Variants in SHISA9 observed in about 807,000 individuals in gnomAD.
SHISA9 encodes the protein shisa family member 9.
In SHISA9, 13 loss-of-function variants were observed where a neutral mutation model predicts 38.0. The ratio of observed to expected loss-of-function variants is 0.34; its 90% CI spans 0.22 to 0.54. SHISA9 has a LOEUF of 0.54. Ranked by LOEUF, SHISA9 falls within the 20% of genes least tolerant of loss-of-function variation. The pLI, the probability that SHISA9 is intolerant of heterozygous loss-of-function variation, is 0.91. For synonymous variants in SHISA9, 275 were observed against 242.0 expected, an observed-to-expected ratio of 1.14 and a Z score of -1.27; for missense variants, 538 against 575.8, an observed-to-expected ratio of 0.93 and a Z score of 0.67.
At chr16:13,159,072 AC>A (rs1423142982) in intron 2 of SHISA9, among the ~76,000 whole-genome samples, 12 of 147,654 alleles carry the variant, frequency 8.1e-5, no homozygotes, top group African/African-American at 2.5e-4. Flanking sequence ...AAAAAAAAAA[AC>A]AAAACCAAAA....
chr16:12,953,178 T>TAA (rs55985822), intron 2 of SHISA9, among the ~76,000 whole-genome samples: 52 of 131,408 alleles, frequency 4.0e-4, no homozygotes, highest in East Asian at 1.1e-3. Flanking sequence ...TAAAAAAAAG[T>TAA]AAAAAAAAAA....
At chr16:13,225,638 G>T (rs1441887257) in intron 4 of SHISA9, among the ~76,000 whole-genome samples, 1 of 152,168 alleles carries the variant, frequency 6.6e-6, no homozygotes, top group Non-Finnish European at 1.5e-5. Flanking sequence ...TGAGTGGTAG[G>T]AACCCCTCCC....
chr16:13,003,895 G>T (rs544663911), intron 2 of SHISA9, among the ~76,000 whole-genome samples: 26,082 of 148,208 alleles, frequency 0.18, 2,457 homozygotes, highest in Middle Eastern at 0.23. Flanking sequence ...ATAATAAGAA[G>T]AAGAAGAAGA....
the SHISA9 span, among the ~76,000 whole-genome samples, chr16:13,408,601 T>G: frequency 6.6e-6 from 1 of 152,230 alleles, no homozygotes; most frequent in African/African-American, 2.4e-5. Context: ...TAATGCTGTA[T>G]AAATTTTTAT....
At chr16:13,246,954 TG>T in the SHISA9 span, among the ~76,000 whole-genome samples, 9 of 150,804 alleles carry the variant, frequency 6.0e-5, no homozygotes, top group Non-Finnish European at 1.3e-4. Flanking sequence ...CTGGATAATT[TG>T]TTATGAAAGA....
chr16:13,104,774 T>A (rs113148695), intron 2 of SHISA9, among the ~76,000 whole-genome samples: 2 of 152,128 alleles, frequency 1.3e-5, no homozygotes, highest in African/African-American at 4.8e-5. Flanking sequence ...TGGAGGATAA[T>A]CGAAATTCTA....
At chr16:13,261,527 CT>C in the SHISA9 span, among the ~76,000 whole-genome samples, 1 of 152,168 alleles carries the variant, frequency 6.6e-6, no homozygotes, top group Non-Finnish European at 1.5e-5. Context: ...CCCACCAGCT[CT>C]TTCCAAGCTG....
At chr16:13,298,328 C>G in the SHISA9 span, among the ~76,000 whole-genome samples, 1 of 152,058 alleles carries the variant, frequency 6.6e-6, no homozygotes, top group Non-Finnish European at 1.5e-5. Flanking sequence ...CGTGGAAACT[C>G]TAATTTTCTA....
the SHISA9 span, among the ~76,000 whole-genome samples, chr16:13,341,462 T>G: frequency 6.6e-6 from 1 of 151,966 alleles, no homozygotes. Flanking sequence ...ATCCCAAGGG[T>G]TTTCTTCCCC....
chr16:13,149,237 C>T (rs2050475681), intron 2 of SHISA9, among the ~76,000 whole-genome samples: 1 of 152,064 alleles, frequency 6.6e-6, no homozygotes, highest in Non-Finnish European at 1.5e-5. Context: ...TGATGGGAGA[C>T]AAGTGTTTGG....
chr16:13,340,771 C>T, the SHISA9 span, among the ~76,000 whole-genome samples: 1 of 152,158 alleles, frequency 6.6e-6, no homozygotes, highest in Non-Finnish European at 1.5e-5. Flanking sequence ...GTGCTGCAGC[C>T]ACACTGGACT....
intron 2 of SHISA9, among the ~76,000 whole-genome samples, chr16:13,160,062 A>G (rs2050581777): frequency 2.0e-5 from 3 of 152,260 alleles, no homozygotes; most frequent in Admixed American, 2.0e-4. Flanking sequence ...GACTGAAACA[A>G]TGAAGTCAGG....
At chr16:12,939,375 C>A (rs866212778) in intron 2 of SHISA9, among the ~76,000 whole-genome samples, 1 of 152,170 alleles carries the variant, frequency 6.6e-6, no homozygotes, top group Non-Finnish European at 1.5e-5. Flanking sequence ...TGAGTCACTG[C>A]GCCTGGCCAG....
At chr16:13,123,695 A>G (rs1283843629) in intron 2 of SHISA9, among the ~76,000 whole-genome samples, 4 of 152,220 alleles carry the variant, frequency 2.6e-5, no homozygotes, top group Non-Finnish European at 5.9e-5. Flanking sequence ...AACTACCTCT[A>G]TGGGAAGCAG....
intron 2 of SHISA9, among the ~76,000 whole-genome samples, chr16:13,083,880 G>A (rs543659532): frequency 4.0e-4 from 61 of 152,256 alleles, no homozygotes; most frequent in African/African-American, 1.4e-3. Flanking sequence ...TCTGGGCAGG[G>A]CACCAACGGT....
chr16:13,049,184 G>GTT (rs1567195026), intron 2 of SHISA9, among the ~76,000 whole-genome samples: 3 of 149,752 alleles, frequency 2.0e-5, no homozygotes, highest in African/African-American at 5.1e-5. Flanking sequence ...GTGTGTGTGT[G>GTT]TGTGTGTGTG....
chr16:13,022,270 G>T (rs997863181), intron 2 of SHISA9, among the ~76,000 whole-genome samples: 3 of 151,896 alleles, frequency 2.0e-5, no homozygotes, highest in Non-Finnish European at 4.4e-5. Context: ...TCTCACCTCA[G>T]CCTCTCGAGT....
chr16:13,409,978 T>A, the SHISA9 span, among the ~76,000 whole-genome samples: 1 of 152,240 alleles, frequency 6.6e-6, no homozygotes, highest in East Asian at 1.9e-4. Flanking sequence ...AGTAAACTGC[T>A]TAGCGCAGTG....
At chr16:13,432,166 G>C in the SHISA9 span, among the ~76,000 whole-genome samples, 4 of 152,194 alleles carry the variant, frequency 2.6e-5, no homozygotes, top group East Asian at 1.9e-4. Context: ...ATCTCTGATA[G>C]GTAAAAAGTC....
Sources: allele counts gnomAD v4.1 joint callset (sites outside exome capture counted in the v4.1 genomes callset), GRCh38; gene constraint gnomAD v4.1.1; transcripts MANE v1.5; gene names NCBI Gene and HGNC (gene_info 2026-07-23, HGNC 2026-07-21).